TBC1D8: variants seen among roughly 807,000 people sequenced by gnomAD.
The protein encoded by TBC1D8 is BUB2-like protein 1.
In TBC1D8, 65 loss-of-function variants were observed where a neutral mutation model predicts 118.8. The ratio of observed to expected loss-of-function variants is 0.55; its 90% CI spans 0.45 to 0.67. The LOEUF is 0.67. Ranked by LOEUF, TBC1D8 falls within the 30% of genes least tolerant of loss-of-function variation. TBC1D8 has a pLI of 0.00. For missense variants in TBC1D8, 1,376 were observed against 1,471.2 expected, an observed-to-expected ratio of 0.94 and a Z score of 1.06; for synonymous variants, 566 against 595.8, an observed-to-expected ratio of 0.95 and a Z score of 0.73.
chr2:101,147,945 C>T (rs541990565), intron 1 of TBC1D8, among the ~76,000 whole-genome samples: 1 of 152,058 alleles, frequency 6.6e-6, no homozygotes, highest in Non-Finnish European at 1.5e-5. Context: ...ATATCACTTC[C>T]GCAAGCAGAA....
At chr2:101,015,332 C>T (rs892670785) in intron 17 of TBC1D8, among the ~76,000 whole-genome samples, 1 of 152,134 alleles carries the variant, frequency 6.6e-6, no homozygotes, top group African/African-American at 2.4e-5. Flanking sequence ...CAGTGAGTAG[C>T]GAGTGAATAT....
At chr2:101,069,294 A>G (rs917503547) in intron 2 of TBC1D8, among the ~76,000 whole-genome samples, 5 of 149,374 alleles carry the variant, frequency 3.3e-5, no homozygotes, top group Admixed American at 2.7e-4. Context: ...TTACGTCTCA[A>G]AAAAAAAAAA....
At chr2:101,149,327 C>G (rs1206304084) in intron 1 of TBC1D8, among the ~76,000 whole-genome samples, 1 of 152,172 alleles carries the variant, frequency 6.6e-6, no homozygotes, top group Non-Finnish European at 1.5e-5. Flanking sequence ...ACAACAGAGT[C>G]AGAAACCCTC....
chr2:101,144,708 G>A lies in TBC1D8; in HGVS notation c.127+6419C>T, dbSNP rs192390353. On this transcript the variant is annotated intron_variant, in intron 1 of 19. Transcript: ENST00000409318. ...TCCTAGCACTTTGGAAGGCCTAGGC[G>A]GGCAGATTGCCTGAGCTCAGGAGTT... Among the ~76,000 whole-genome samples, 75 of 152,310 alleles carry A rather than the reference G, an allele frequency of 4.9e-4. 1 individual carries two copies. The highest frequency in any genetic ancestry group is 1.7e-3 in the African/African-American group (69 of 41,570).
chr2:101,127,668 G>A (rs534712648), intron 1 of TBC1D8, among the ~76,000 whole-genome samples: 2 of 152,246 alleles, frequency 1.3e-5, no homozygotes, highest in Admixed American at 1.3e-4. Context: ...CTCCCAAAGT[G>A]CTGGGATTAC....
chr2:101,113,950 C>G (rs1385879771), intron 1 of TBC1D8, among the ~76,000 whole-genome samples: 1 of 152,210 alleles, frequency 6.6e-6, no homozygotes, highest in Non-Finnish European at 1.5e-5. Context: ...TTCAAGACAG[C>G]AACTCTTGTG....
Position 101,007,799 on chromosome 2 carries a change from G to A in TBC1D8, c.*22C>T, listed in dbSNP as rs1025531538. 21 of 1,606,718 alleles carry A rather than the reference G, an allele frequency of 1.3e-5. No homozygotes were observed. Among genetic ancestry groups the A allele is most frequent in the Non-Finnish European group, 1.8e-5 (21 of 1,175,288 alleles). On this transcript the variant is annotated 3_prime_UTR_variant, in exon 20 of 20. Coordinates refer to ENST00000409318, the MANE Select transcript of TBC1D8 (RefSeq NM_001330348.2). Reference sequence around the variant, plus strand: ...GTGCTTTGGTATGGTGGACTCCAGTGTGCATAGCAGCTGCTGTCTTGCTAC... The same window carrying A: ...GTGCTTTGGTATGGTGGACTCCAGTATGCATAGCAGCTGCTGTCTTGCTAC...
intron 1 of TBC1D8, among the ~76,000 whole-genome samples, chr2:101,118,813 G>A (rs1677968673): frequency 6.6e-6 from 1 of 151,920 alleles, no homozygotes; most frequent in Admixed American, 6.6e-5. Flanking sequence ...TTCGAGACCA[G>A]ACCGGGCAAC....
intron 16 of TBC1D8, 144 bp downstream of exon 16, chr2:101,022,137 A>G (rs1158864178): frequency 2.9e-6 from 4 of 1,367,384 alleles, no homozygotes; most frequent in Non-Finnish European, 4.0e-6. Context: ...CTGCAGAGTG[A>G]TATTTCAAAA....
intron 1 of TBC1D8, among the ~76,000 whole-genome samples, chr2:101,117,875 T>C (rs1365991503): frequency 2.8e-5 from 1 of 35,920 alleles, no homozygotes; most frequent in South Asian, 7.0e-4. Flanking sequence ...GCACCCGGCC[T>C]TTTTTTTTTT....
intron 19 of TBC1D8, among the ~76,000 whole-genome samples, chr2:101,009,299 G>A (rs897734912): frequency 6.6e-6 from 1 of 151,846 alleles, no homozygotes; most frequent in Non-Finnish European, 1.5e-5. Flanking sequence ...CCAGCTACTC[G>A]GGAAGCTGAG....
At chr2:101,102,273 GT>G (rs1195009795) in intron 1 of TBC1D8, among the ~76,000 whole-genome samples, 1 of 152,020 alleles carries the variant, frequency 6.6e-6, no homozygotes. Flanking sequence ...GGCCAACATG[GT>G]GAAACCCCAT....
intron 3 of TBC1D8, 76 bp from the exon 4 acceptor site, chr2:101,054,412 G>A: frequency 6.8e-7 from 1 of 1,467,408 alleles, no homozygotes. Context: ...ACAGGAAGCA[G>A]GAGGGACTGA....
chr2:101,059,304 C>A lies in TBC1D8; in HGVS notation c.402+117G>T, dbSNP rs970289079. Reference sequence around the variant, plus strand: ...GATAAATGAAACTTATTTGGCATTACGTATTGAGCCAAAAGTTCAGTTAGT... The same window carrying A: ...GATAAATGAAACTTATTTGGCATTAAGTATTGAGCCAAAAGTTCAGTTAGT... On this transcript the variant is annotated intron_variant, in intron 3 of 19. Coordinates refer to ENST00000409318, the MANE Select transcript of TBC1D8 (RefSeq NM_001330348.2). The A allele has an allele frequency of 2.4e-5, 16 of 659,234 alleles. No homozygotes were observed. The African/African-American group carries it at 2.8e-4, about 12-fold the overall frequency. 40.8% of individuals were successfully genotyped at this position (659,234 alleles called of 1,614,324 possible).
In TBC1D8 at chr2:101,028,457, C is replaced by T. The variant is rs779566870; in HGVS notation, c.2223-25G>A. 41 of 1,529,252 alleles carry T rather than the reference C, an allele frequency of 2.7e-5. No individual in the cohort carries two copies. The Admixed American group carries it at 2.7e-4, about 10-fold the overall frequency. The allele number at this position is 1,529,252 out of a possible 1,614,324, so 94.7% of individuals were successfully genotyped here. ...CCTGAACACACCGCCCCGTCAACGC[C>T]CAAGTCCATCCTCATTCGGGTACCA... On this transcript the variant is annotated intron_variant, in intron 12 of 19. Coordinates refer to ENST00000409318, the MANE Select transcript of TBC1D8 (RefSeq NM_001330348.2).
At chr2:101,032,587 C>G (rs955378190) in intron 10 of TBC1D8, 1 of 515,220 alleles carries the variant, frequency 1.9e-6, no homozygotes, top group Admixed American at 3.2e-5. Context: ...GCTGAGCGAT[C>G]GGCCACCACT....
chr2:101,051,397 A>T (rs1387052806), intron 4 of TBC1D8, among the ~76,000 whole-genome samples: 1 of 152,346 alleles, frequency 6.6e-6, no homozygotes, highest in Middle Eastern at 3.4e-3. Flanking sequence ...GGGAACAGGC[A>T]AAGATTTTAT....
chr2:101,108,478 G>A (rs1043486904), intron 1 of TBC1D8, among the ~76,000 whole-genome samples: 1 of 152,148 alleles, frequency 6.6e-6, no homozygotes, highest in African/African-American at 2.4e-5. Context: ...CAAAACAAAC[G>A]TATGAGTCTG....
At chr2:101,079,445 G>A (rs1675100193) in intron 2 of TBC1D8, among the ~76,000 whole-genome samples, 1 of 152,092 alleles carries the variant, frequency 6.6e-6, no homozygotes, top group Non-Finnish European at 1.5e-5. Flanking sequence ...TGCCATCATA[G>A]CTCACCGCAG....
Sources: gnomAD v4.1 joint callset for allele counts (sites outside exome capture counted in the v4.1 genomes callset) on GRCh38, gnomAD v4.1.1 for gene constraint, MANE v1.5 for transcripts, NCBI Gene and HGNC (gene_info 2026-07-23, HGNC 2026-07-21) for gene names.